CNTNAP5: variants seen among roughly 807,000 people sequenced by gnomAD.
CNTNAP5 encodes contactin associated protein family member 5.
In CNTNAP5, 72 loss-of-function variants were observed where a neutral mutation model predicts 150.2. The observed-to-expected ratio is 0.48, with a 90% confidence interval of 0.40 to 0.58. The LOEUF is 0.58. CNTNAP5 is among the 20% of genes least tolerant of loss of function. The probability of loss-of-function intolerance (pLI) is 0.00; values close to 1 mark genes in which losing one functional copy is unlikely to be tolerated. For missense variants in CNTNAP5, 1,636 were observed against 1,626.2 expected (o/e 1.01, Z -0.10); for synonymous variants, 672 against 619.8 (o/e 1.08, Z -1.25).
chr2:124,848,734 C>T (rs911317701), intron 19 of CNTNAP5, among the ~76,000 whole-genome samples: 5 of 152,150 alleles, frequency 3.3e-5, no homozygotes, highest in African/African-American at 1.2e-4. Flanking sequence ...TCTTGATCTG[C>T]ATTTCTCTGA....
chr2:124,663,020 T>G (rs1389502267), intron 13 of CNTNAP5, among the ~76,000 whole-genome samples: 2 of 152,206 alleles, frequency 1.3e-5, no homozygotes, highest in Admixed American at 6.5e-5. Context: ...GTATTTTCAG[T>G]TCCTAGTACA....
At chr2:124,408,116 G>T (rs2104765650) in intron 3 of CNTNAP5, among the ~76,000 whole-genome samples, 1 of 152,328 alleles carries the variant, frequency 6.6e-6, no homozygotes, top group East Asian at 1.9e-4. Flanking sequence ...CAAAGAAAGG[G>T]GTGACGGAAG....
chr2:124,452,805 C>T (rs530699106), intron 6 of CNTNAP5, among the ~76,000 whole-genome samples: 3 of 152,084 alleles, frequency 2.0e-5, no homozygotes, highest in African/African-American at 7.2e-5. Context: ...TCTCAGGAAG[C>T]CACATCCCTA....
chr2:124,913,278 A>T (rs754489807), intron 23 of CNTNAP5, among the ~76,000 whole-genome samples: 1 of 152,160 alleles, frequency 6.6e-6, no homozygotes, highest in Non-Finnish European at 1.5e-5. Flanking sequence ...ATTCATGCAG[A>T]GACACATCTG....
intron 1 of CNTNAP5, among the ~76,000 whole-genome samples, chr2:124,124,307 TATCAGTG>T (rs1229313074): frequency 1.3e-5 from 2 of 152,072 alleles, no homozygotes; most frequent in Non-Finnish European, 2.9e-5. Context: ...GAAGAAAGGG[TATCAGTG>T]ATGGAAGATC....
chr2:124,817,285 C>T (rs569659956), intron 19 of CNTNAP5, among the ~76,000 whole-genome samples: 20 of 152,200 alleles, frequency 1.3e-4, no homozygotes, highest in Admixed American at 1.2e-3. Context: ...GGGATTTATA[C>T]GGTGATAGAA....
At chr2:124,198,475 G>A (rs1685643869) in intron 1 of CNTNAP5, among the ~76,000 whole-genome samples, 1 of 151,540 alleles carries the variant, frequency 6.6e-6, no homozygotes, top group Admixed American at 6.6e-5. Flanking sequence ...TGAGTATACT[G>A]CGTGATGCTG....
At chr2:124,565,179 G>A (rs902382890) in intron 11 of CNTNAP5, among the ~76,000 whole-genome samples, 3 of 152,182 alleles carry the variant, frequency 2.0e-5, no homozygotes, top group Admixed American at 2.0e-4. Context: ...TCAATTTAGA[G>A]AAGAACTAGT....
intron 3 of CNTNAP5, among the ~76,000 whole-genome samples, chr2:124,310,255 C>CG (rs1688791917): frequency 6.6e-6 from 1 of 151,920 alleles, no homozygotes; most frequent in Non-Finnish European, 1.5e-5. Context: ...CAATGCATTG[C>CG]GGTCCCTGAT....
chr2:124,328,832 G>A (rs1385545533), intron 3 of CNTNAP5, among the ~76,000 whole-genome samples: 1 of 152,120 alleles, frequency 6.6e-6, no homozygotes, highest in African/African-American at 2.4e-5. Flanking sequence ...GAAACTGCTG[G>A]GGAAAAGGGT....
chr2:124,816,381 A>AT (rs1285624215), intron 19 of CNTNAP5, among the ~76,000 whole-genome samples: 1 of 143,994 alleles, frequency 6.9e-6, no homozygotes, highest in Non-Finnish European at 1.5e-5. Context: ...TTTGGTTCCT[A>AT]TTTTCTTTCT....
chr2:124,800,062 G>A (rs897418792), intron 19 of CNTNAP5, among the ~76,000 whole-genome samples: 3 of 152,200 alleles, frequency 2.0e-5, no homozygotes, highest in Admixed American at 6.5e-5. Context: ...GCTGACTGAG[G>A]ACACTGAGGC....
chr2:124,480,322 A>T (rs184828371), intron 7 of CNTNAP5, among the ~76,000 whole-genome samples: 1 of 152,336 alleles, frequency 6.6e-6, no homozygotes, highest in Non-Finnish European at 1.5e-5. Flanking sequence ...GGTATAACAG[A>T]TGTATTGAAG....
chr2:124,727,529 C>T (rs563061494), intron 13 of CNTNAP5, among the ~76,000 whole-genome samples: 2 of 152,010 alleles, frequency 1.3e-5, no homozygotes. Context: ...ACAGGTCTTA[C>T]GCTTCCATGG....
chr2:124,509,140 C>T (rs966327678), intron 8 of CNTNAP5, among the ~76,000 whole-genome samples: 1 of 152,198 alleles, frequency 6.6e-6, no homozygotes, highest in African/African-American at 2.4e-5. Flanking sequence ...TGATGCCTCA[C>T]ACCTTCAACC....
At chr2:124,666,045 C>T (rs967204111) in intron 13 of CNTNAP5, among the ~76,000 whole-genome samples, 1 of 151,984 alleles carries the variant, frequency 6.6e-6, no homozygotes, top group African/African-American at 2.4e-5. Flanking sequence ...GAGATTTATT[C>T]TGAGCTAATA....
rs1473390468 is a variant in CNTNAP5, at chr2:124,510,516, T to TACACAC, written c.1327+5961_1327+5962insCACACA. 2.3e-3 allele frequency among the ~76,000 whole-genome samples: 281 copies of TACACAC among 123,196 alleles called. 8 individuals are homozygous for TACACAC. The highest frequency in any genetic ancestry group is 9.1e-3 in the African/African-American group (272 of 29,748). The allele number at this position is 123,196 out of a possible 152,430, so 80.8% of individuals were successfully genotyped here. A position where few individuals can be genotyped will look rare whatever the true frequency, so the allele number is the denominator to read the frequency against. On this transcript the variant is annotated intron_variant, in intron 8 of 23. Coordinates refer to ENST00000682447, the MANE Select transcript of CNTNAP5 (RefSeq NM_001367498.1). ...ATATATATATATATATATATATATA[T>TACACAC]ATACATATATCTCCATATATCAACA... is the stretch of plus-strand genomic sequence containing the variant.
At chr2:124,689,803 GAGC>G (rs1553431838) in intron 13 of CNTNAP5, among the ~76,000 whole-genome samples, 1 of 152,002 alleles carries the variant, frequency 6.6e-6, no homozygotes, top group Non-Finnish European at 1.5e-5. Context: ...GTCTTGCTGT[GAGC>G]AGAAGTACAG....
At chr2:124,560,518 CAAAA>C (rs11285774) in intron 10 of CNTNAP5, among the ~76,000 whole-genome samples, 1 of 126,948 alleles carries the variant, frequency 7.9e-6, no homozygotes. Flanking sequence ...GACTCCATTT[CAAAA>C]AAAAAAAAAA....
Sources: allele counts gnomAD v4.1 joint callset (sites outside exome capture counted in the v4.1 genomes callset), GRCh38; gene constraint gnomAD v4.1.1; transcripts MANE v1.5; gene names NCBI Gene and HGNC (gene_info 2026-07-23, HGNC 2026-07-21).